VPS4B: variants seen among roughly 807,000 people sequenced by gnomAD.
VPS4B encodes the protein vacuolar protein sorting 4 homolog B.
Under a neutral mutation model 56.1 loss-of-function variants are expected in VPS4B, and 23 were observed. The ratio of observed to expected loss-of-function variants is 0.41; its 90% CI spans 0.30 to 0.58. The LOEUF (loss-of-function observed/expected upper bound fraction) is 0.58, where lower values mean the gene tolerates loss of function less well. Among genes scored for constraint, VPS4B ranks in the 20% least tolerant of loss-of-function variants. The pLI, the probability that VPS4B is intolerant of heterozygous loss-of-function variation, is 0.29. For synonymous variants in VPS4B, 177 were observed against 186.0 expected, an observed-to-expected ratio of 0.95 and a Z score of 0.39; for missense variants, 372 against 531.9, an observed-to-expected ratio of 0.70 and a Z score of 2.96.
intron 10 of VPS4B, 27 bp from the exon 11 acceptor site, chr18:63,391,103 GGATAT>G (rs764860279): frequency 3.5e-6 from 5 of 1,443,112 alleles, no homozygotes; most frequent in East Asian, 2.3e-5. Flanking sequence ...AGGGTAGGGA[GGATAT>G]TAATAATAGA....
chr18:63,400,472 G>A (rs1381504763), intron 6 of VPS4B, 75 bp downstream of exon 6: 7 of 1,428,186 alleles, frequency 4.9e-6, no homozygotes, highest in Non-Finnish European at 6.6e-6. Context: ...TATAAGTGAT[G>A]TAAGAAATCT....
intron 1 of VPS4B, among the ~76,000 whole-genome samples, chr18:63,413,295 TACA>T (rs1916086966): frequency 6.6e-6 from 1 of 152,188 alleles, no homozygotes; most frequent in Non-Finnish European, 1.5e-5. Flanking sequence ...CGTGTGAATC[TACA>T]ATTATCTCAA....
At chr18:63,406,565 C>T (rs569647345) in intron 4 of VPS4B, among the ~76,000 whole-genome samples, 14 of 152,294 alleles carry the variant, frequency 9.2e-5, no homozygotes, top group African/African-American at 3.4e-4. Flanking sequence ...AAAATTCAAT[C>T]TGAAAAATTG....
chr18:63,396,069 T>C (rs1371933492), intron 9 of VPS4B, among the ~76,000 whole-genome samples: 1 of 152,204 alleles, frequency 6.6e-6, no homozygotes, highest in African/African-American at 2.4e-5. Flanking sequence ...TTAAAAGATA[T>C]TAGCTATTAT....
chr18:63,422,103 C>T (rs1050325451), intron 1 of VPS4B, 130 bp downstream of exon 1: 11 of 1,068,394 alleles, frequency 1.0e-5, no homozygotes, highest in Middle Eastern at 2.9e-4. Context: ...TGCTGCAGGT[C>T]CCCGGACCCG....
At chr18:63,407,534 C>T in intron 3 of VPS4B, 35 bp from the exon 4 acceptor site, 2 of 1,514,354 alleles carry the variant, frequency 1.3e-6, no homozygotes, top group East Asian at 2.3e-5. Context: ...CAAATGATCA[C>T]TCATTGCTAT....
chr18:63,410,868 G>C (rs1316898074), intron 2 of VPS4B, among the ~76,000 whole-genome samples: 1 of 152,190 alleles, frequency 6.6e-6, no homozygotes, highest in Non-Finnish European at 1.5e-5. Flanking sequence ...TTTCAGAAGA[G>C]TAAAGTGATG....
At chr18:63,395,717 G>A (rs1915654695) in intron 9 of VPS4B, among the ~76,000 whole-genome samples, 1 of 152,152 alleles carries the variant, frequency 6.6e-6, no homozygotes, top group Non-Finnish European at 1.5e-5. Flanking sequence ...CAAAAGGGTT[G>A]GTCCAGATTA....
chr18:63,415,581 G>C lies in VPS4B; in HGVS notation c.28-4003C>G, dbSNP rs1916144094. On this transcript the variant is annotated intron_variant, in intron 1 of 10. Transcript: ENST00000238497. ...CCAGCTGGAATTCAATTTTTCTGTT[G>C]ATGTGCCCTGAGTGAAGCAGTGGTC... 1.5e-5 allele frequency: 4 copies of C among 269,626 alleles called. No homozygotes were observed. The Admixed American group carries it at 1.6e-4, about 11-fold the overall frequency. 16.7% of individuals were successfully genotyped at this position (269,626 alleles called of 1,614,324 possible).
intron 9 of VPS4B, chr18:63,396,823 T>C: frequency 1.9e-6 from 1 of 521,088 alleles, no homozygotes. Flanking sequence ...ATCCTGTCTC[T>C]ACTAAAAATA....
chr18:63,408,001 C>A (rs1320673761), intron 3 of VPS4B, among the ~76,000 whole-genome samples: 2 of 152,142 alleles, frequency 1.3e-5, no homozygotes, highest in Non-Finnish European at 2.9e-5. Context: ...GAACTACACC[C>A]AAAGAACAAG....
intron 5 of VPS4B, 131 bp from the exon 6 acceptor site, chr18:63,400,834 AATCT>A (rs1915792827): frequency 1.1e-6 from 1 of 911,222 alleles, no homozygotes; most frequent in Non-Finnish European, 1.6e-6. Flanking sequence ...AAAATAAATC[AATCT>A]AAGGTATGTC....
At chr18:63,419,217 C>G (rs7234721) in intron 1 of VPS4B, among the ~76,000 whole-genome samples, 88,942 of 152,052 alleles carry the variant, frequency 0.58, 27,046 homozygotes, top group East Asian at 0.88. Context: ...GAGTTCAGGA[C>G]TTTGAGACTG....
rs529876308 is a variant in VPS4B at position 63,422,043 on chromosome 18, G to A, written c.27+190C>T. 1.2e-4 allele frequency among the ~76,000 whole-genome samples: 18 copies of A among 152,266 alleles called. No homozygotes were observed. The South Asian group carries it at 3.1e-3, about 26-fold the overall frequency. On this transcript the variant is annotated intron_variant, in intron 1 of 10. Coordinates refer to ENST00000238497, the MANE Select transcript of VPS4B (RefSeq NM_004869.4). ...AAGCCAGTAGCTCGGGAGACCCCAA[G>A]AGCGGGCCAGAAACGACCTTTCCGT...
At chr18:63,391,645 T>A (rs1462626843) in intron 10 of VPS4B, among the ~76,000 whole-genome samples, 1 of 152,196 alleles carries the variant, frequency 6.6e-6, no homozygotes, top group South Asian at 2.1e-4. Flanking sequence ...AGAAGGACAA[T>A]CCCCTTAGTC....
At chr18:63,421,728 T>C (rs1030633614) in intron 1 of VPS4B, among the ~76,000 whole-genome samples, 1 of 151,408 alleles carries the variant, frequency 6.6e-6, no homozygotes, top group Non-Finnish European at 1.5e-5. Flanking sequence ...GCCACAGGAG[T>C]GTGCACATAA....
Position 63,422,394 on chromosome 18 carries a change from C to G in VPS4B, c.-135G>C. Reference sequence around the variant, plus strand: ...TCTCGGACCGCGAAGGGCAGCCTCCCTTCCGGAACTTGTTTTAGACAACAC... The same window carrying G: ...TCTCGGACCGCGAAGGGCAGCCTCCGTTCCGGAACTTGTTTTAGACAACAC... On this transcript the variant is annotated 5_prime_UTR_variant, in exon 1 of 11. Transcript: ENST00000238497. 3.9e-6 allele frequency: 3 copies of G among 763,206 alleles called. No individual in the cohort carries two copies. The highest frequency in any genetic ancestry group is 3.4e-5 in the East Asian group (1 of 29,352). 47.3% of individuals were successfully genotyped at this position (763,206 alleles called of 1,614,324 possible).
intron 4 of VPS4B, among the ~76,000 whole-genome samples, chr18:63,406,224 C>A (rs1915913705): frequency 6.6e-6 from 1 of 152,184 alleles, no homozygotes; most frequent in African/African-American, 2.4e-5. Flanking sequence ...GGGGACACCA[C>A]TACGCTTGAG....
intron 6 of VPS4B, among the ~76,000 whole-genome samples, 173 bp downstream of exon 6, chr18:63,400,374 G>A (rs1260570481): frequency 6.6e-6 from 1 of 152,146 alleles, no homozygotes; most frequent in Non-Finnish European, 1.5e-5. Flanking sequence ...GTAGATATAT[G>A]CTATCTTTTC....
Sources: allele counts gnomAD v4.1 joint callset (sites outside exome capture counted in the v4.1 genomes callset), GRCh38; gene constraint gnomAD v4.1.1; transcripts MANE v1.5; gene names NCBI Gene and HGNC (gene_info 2026-07-23, HGNC 2026-07-21).